The following SIPA1L1 variants were observed in gnomAD, a reference collection of about 807,000 sequenced individuals.
SIPA1L1 encodes the protein signal induced proliferation associated 1 like 1.
Under a neutral mutation model 162.7 loss-of-function variants are expected in SIPA1L1, and 26 were observed. That is an observed-to-expected ratio of 0.16 (90% confidence interval 0.12 to 0.22). The LOEUF is 0.22. SIPA1L1 is among the 10% of genes least tolerant of loss of function. The pLI is 1.00. For missense variants in SIPA1L1, 1,874 were observed against 2,241.0 expected (o/e 0.84, Z 3.31); for synonymous variants, 829 against 837.4 (o/e 0.99, Z 0.17).
Position 71,588,632 on chromosome 14 carries a change from G to C in SIPA1L1, c.760G>C (p.Gly254Arg), listed in dbSNP as rs2034887446. Residue 254 changes from glycine (G) to arginine (R), a missense_variant, in exon 5 of 24, where the codon GGT becomes CGT. Transcript: ENST00000381232. This position sits in a 1 kb window ranked among gnomAD's most constrained non-coding sequence, Gnocchi z 4.3. ...CTTTCTCATTACTGGTGGTGGCAAG[G>C]GTTCTGGTTTCTCTTTGGATGTAAT... is the stretch of plus-strand genomic sequence containing the variant. Reference protein sequence around the residue: ...SDFLITGGGKGSGFSLDVIDG... With the variant: ...SDFLITGGGKRSGFSLDVIDG... 1.2e-6 allele frequency: 2 copies of C among 1,614,024 alleles called. No homozygotes were observed. The highest frequency in any genetic ancestry group is 1.3e-5 in the African/African-American group (1 of 75,028).
intron 10 of SIPA1L1, among the ~76,000 whole-genome samples, chr14:71,666,868 T>TAAAAAAAAA (rs960598363): frequency 1.3e-5 from 1 of 78,192 alleles, no homozygotes. Context: ...TTCCTCTCTG[T>TAAAAAAAAA]AAAAAAAAAA....
intron 2 of SIPA1L1, among the ~76,000 whole-genome samples, chr14:71,502,967 G>A (rs2050377777): frequency 6.6e-6 from 1 of 152,154 alleles, no homozygotes; most frequent in Non-Finnish European, 1.5e-5. Flanking sequence ...TAAAATTCCA[G>A]AAGTTTTGAA....
At chr14:71,495,886 CAAAAAAAAAA>C (rs61183823) in intron 2 of SIPA1L1, among the ~76,000 whole-genome samples, 8 of 38,022 alleles carry the variant, frequency 2.1e-4, no homozygotes, top group Middle Eastern at 0.023. Context: ...TCCATCTCTA[CAAAAAAAAAA>C]AAAAAAAAAA....
At chr14:71,401,597 A>G (rs1477828014) in intron 2 of SIPA1L1, among the ~76,000 whole-genome samples, 2 of 152,138 alleles carry the variant, frequency 1.3e-5, no homozygotes, top group Admixed American at 6.5e-5. Context: ...TGTGTACTCT[A>G]AAACATTTTT....
At chr14:71,604,460 G>T (rs967197368) in intron 5 of SIPA1L1, among the ~76,000 whole-genome samples, 1 of 152,018 alleles carries the variant, frequency 6.6e-6, no homozygotes, top group Non-Finnish European at 1.5e-5. Flanking sequence ...GTGGATTTCT[G>T]GAGTGGTAAC....
intron 2 of SIPA1L1, among the ~76,000 whole-genome samples, chr14:71,392,079 T>C (rs1277194209): frequency 1.3e-5 from 2 of 152,222 alleles, no homozygotes; most frequent in African/African-American, 2.4e-5. Context: ...CCATTCTCCT[T>C]GCCCTCAAGT....
intron 17 of SIPA1L1, among the ~76,000 whole-genome samples, chr14:71,718,477 G>A (rs1282498851): frequency 2.0e-5 from 3 of 152,174 alleles, no homozygotes; most frequent in African/African-American, 7.2e-5. Flanking sequence ...TATTTAACCA[G>A]TTATCCTTTT....
chr14:71,489,290 T>C (rs72729909), intron 2 of SIPA1L1, among the ~76,000 whole-genome samples: 1,681 of 152,358 alleles, frequency 0.011, 12 homozygotes, highest in Non-Finnish European at 0.019. Context: ...AGTATGCCTT[T>C]GAAGCTAGAT....
intron 2 of SIPA1L1, among the ~76,000 whole-genome samples, chr14:71,487,754 G>A (rs2048890088): frequency 6.6e-6 from 1 of 152,206 alleles, no homozygotes; most frequent in Non-Finnish European, 1.5e-5. Context: ...TATTGAATGA[G>A]CTGGACCTCA....
chr14:71,559,674 T>C (rs1361979425), intron 4 of SIPA1L1, among the ~76,000 whole-genome samples: 2 of 152,236 alleles, frequency 1.3e-5, no homozygotes, highest in Non-Finnish European at 1.5e-5. Context: ...TGATTTATCA[T>C]GAGTATGCTT....
chr14:71,387,248 C>CAAAAAAAA (rs398025583), intron 2 of SIPA1L1, among the ~76,000 whole-genome samples: 20 of 53,846 alleles, frequency 3.7e-4, no homozygotes, highest in South Asian at 1.0e-3. Flanking sequence ...AACTCTGTCT[C>CAAAAAAAA]AAAAAAAAAA....
intron 2 of SIPA1L1, among the ~76,000 whole-genome samples, chr14:71,462,535 T>TTA (rs1449146421): frequency 6.6e-6 from 1 of 152,210 alleles, no homozygotes; most frequent in Non-Finnish European, 1.5e-5. Context: ...GCCTCTTTCT[T>TTA]GGTTGTAGGA....
At chr14:71,426,631 A>G (rs777269629) in intron 2 of SIPA1L1, among the ~76,000 whole-genome samples, 3 of 151,924 alleles carry the variant, frequency 2.0e-5, no homozygotes, top group Non-Finnish European at 2.9e-5. Context: ...CTGGGATTAC[A>G]TGCGTGCACC....
chr14:71,709,753 A>G, intron 17 of SIPA1L1, 89 bp downstream of exon 17: 16 of 1,095,176 alleles, frequency 1.5e-5, no homozygotes, highest in Non-Finnish European at 2.1e-5. Context: ...TCAATAGTGT[A>G]TAAGGAAAGG....
chr14:71,349,674 T>C (rs2036501733), intron 2 of SIPA1L1, among the ~76,000 whole-genome samples: 2 of 152,104 alleles, frequency 1.3e-5, no homozygotes, highest in Non-Finnish European at 2.9e-5. Flanking sequence ...GCCAGGATGG[T>C]TTCAATATTA....
At chr14:71,365,372 A>C (rs1287573275) in intron 2 of SIPA1L1, among the ~76,000 whole-genome samples, 1 of 152,048 alleles carries the variant, frequency 6.6e-6, no homozygotes, top group Non-Finnish European at 1.5e-5. Flanking sequence ...CACTGTCGAT[A>C]ATGCCAAAAT....
chr14:71,487,615 G>T (rs919885118), intron 2 of SIPA1L1, among the ~76,000 whole-genome samples: 4 of 152,148 alleles, frequency 2.6e-5, no homozygotes, highest in African/African-American at 9.7e-5. Context: ...GAGAAAGGAA[G>T]ACTACCTAGA....
chr14:71,370,949 T>C (rs1251732342), intron 2 of SIPA1L1, among the ~76,000 whole-genome samples: 7 of 152,146 alleles, frequency 4.6e-5, no homozygotes, highest in Admixed American at 1.3e-4. Flanking sequence ...AAAGTACTTA[T>C]AATAAAAGTG....
chr14:71,611,212 AC>A (rs2038165628), intron 5 of SIPA1L1, among the ~76,000 whole-genome samples: 1 of 152,176 alleles, frequency 6.6e-6, no homozygotes, highest in Non-Finnish European at 1.5e-5. Context: ...ACTTTGGCAG[AC>A]CTGTGTTTCC....
Sources: gnomAD v4.1 joint callset for allele counts (sites outside exome capture counted in the v4.1 genomes callset) on GRCh38, gnomAD v4.1.1 for gene constraint, Gnocchi (gnomAD v3.1) non-coding constraint, MANE v1.5 for transcripts, NCBI Gene and HGNC (gene_info 2026-07-23, HGNC 2026-07-21) for gene names.